The following ENTPD2 variants were observed in gnomAD, a reference collection of about 807,000 sequenced individuals.
The protein encoded by ENTPD2 is CD39 antigen-like 1.
ENTPD2 carries 48 observed loss-of-function variants against 46.8 expected under a neutral mutation model. The observed-to-expected ratio is 1.03, with a 90% CI of 0.81 to 1.30. ENTPD2 has a LOEUF of 1.30. Among genes scored for constraint, ENTPD2 ranks in the 50% most tolerant of loss-of-function variants. The pLI is 0.00. For missense variants in ENTPD2, 707 were observed against 651.1 expected (o/e 1.09, Z -0.93); for synonymous variants, 316 against 286.1 (o/e 1.10, Z -1.06).
rs200372025 is a variant in ENTPD2 at position 137,048,682 on chromosome 9, G to T, written c.1463C>A (p.Ser488Tyr). 5.0e-6 allele frequency: 8 copies of T among 1,601,592 alleles called. No homozygotes were observed. The highest frequency in any genetic ancestry group is 6.8e-6 in the Non-Finnish European group (8 of 1,175,306). The change falls in exon 9 of 9, where the codon TCC becomes TAC. Residue 488 changes from serine (S) to tyrosine (Y), a missense_variant. Transcript: ENST00000355097. ...CTAAATGGTGCTTGGCAGCTTGGCG[G>T]AGTGCACCTGACGCAGCAGCAGGAC... ...ALVLLLRQVH[S>Y]AKLPSTI
chr9:137,051,866 G>A (rs1832305066), intron 2 of ENTPD2, among the ~76,000 whole-genome samples: 1 of 152,222 alleles, frequency 6.6e-6, no homozygotes, highest in South Asian at 2.1e-4. Context: ...TGCTGAGAGG[G>A]TGTGGGTGCA....
At chr9:137,051,748 C>G in intron 2 of ENTPD2, 88 bp from the exon 3 acceptor site, 1 of 1,462,884 alleles carries the variant, frequency 6.8e-7, no homozygotes, top group Non-Finnish European at 9.0e-7. Flanking sequence ...GGGGTGGGGG[C>G]CGTGGGCTCC....
Position 137,049,349 on chromosome 9 carries a change from CA to C in ENTPD2, c.1150-275del, listed in dbSNP as rs1832212994. ...ATGGCCACCAGGGAGCAGGAGGCAG[CA>C]ACACCTTGGTGTGTGGCCAGGGGAA... On this transcript the variant is annotated intron_variant, in intron 7 of 8. Transcript: ENST00000355097. The C allele has an allele frequency of 3.4e-5, 23 of 676,094 alleles. No homozygotes were observed. The East Asian group carries it at 6.5e-4, about 19-fold the overall frequency. 41.9% of individuals were successfully genotyped at this position (676,094 alleles called of 1,614,324 possible).
chr9:137,050,621 T>G, intron 5 of ENTPD2, 83 bp from the exon 6 acceptor site: 1 of 1,528,440 alleles, frequency 6.5e-7, no homozygotes, highest in Admixed American at 2.0e-5. Context: ...GGTCTCACTC[T>G]GGCAACTTCA....
At chr9:137,053,764 G>A (rs1832347347) in intron 1 of ENTPD2, 117 bp downstream of exon 1, 1 of 650,692 alleles carries the variant, frequency 1.5e-6, no homozygotes, top group Non-Finnish European at 2.2e-6. Flanking sequence ...CCCGCCAGGA[G>A]CAGAGCACGG....
At chr9:137,049,811 T>C (rs545856950) in intron 7 of ENTPD2, 59 bp downstream of exon 7, 3 of 1,550,856 alleles carry the variant, frequency 1.9e-6, no homozygotes, top group Admixed American at 1.9e-5. Context: ...TGGGGAGGCA[T>C]GCGGAGGCGG....
chr9:137,052,143 C>T (rs1832310528), intron 2 of ENTPD2, 88 bp downstream of exon 2: 6 of 1,204,806 alleles, frequency 5.0e-6, no homozygotes, highest in South Asian at 2.7e-5. Flanking sequence ...CAACACTAAG[C>T]AGAAGGACCT....
Position 137,052,273 on chromosome 9 carries a change from C to A in ENTPD2, c.193G>T (p.Asp65Tyr), listed in dbSNP as rs144578226. 6.2e-7 allele frequency: 1 copy of A among 1,610,636 alleles called. No homozygotes were observed. Among genetic ancestry groups the A allele is most frequent in the Non-Finnish European group, 8.5e-7 (1 of 1,178,668 alleles). ...CTGTGCTGGCCCACAATGCCTGTGT[C>A]GTTCTCCTTGTCTGCCGGCCACTTG... ...IYKWPADKEN[D>Y]TGIVGQHSSC... Residue 65 changes from aspartate (D) to tyrosine (Y), a missense_variant, in exon 2 of 9, where the codon GAC (aspartate) becomes TAC (tyrosine). Asp to Tyr is a radical substitution (Grantham distance 160). Coordinates refer to ENST00000355097, the MANE Select transcript of ENTPD2 (RefSeq NM_203468.3).
chr9:137,049,305 G>A (rs955825171), intron 7 of ENTPD2: 1 of 759,222 alleles, frequency 1.3e-6, no homozygotes, highest in Admixed American at 2.0e-5. Context: ...TGGAAGGCCA[G>A]TGAGGAGGGA....
In ENTPD2 at chr9:137,052,365, G is replaced by A. The variant is rs544337236; in HGVS notation, c.118-17C>T. The A allele has an allele frequency of 1.5e-4, 217 of 1,460,946 alleles. 12 individuals are homozygous for A. In the South Asian group the frequency reaches 2.4e-3, roughly 16 times the overall value. 90.5% of individuals were successfully genotyped at this position (1,460,946 alleles called of 1,614,324 possible). A position where few individuals can be genotyped will look rare whatever the true frequency, so the allele number is the denominator to read the frequency against. ...GATGCCATACTGCGGGGGAGGGGGA[G>A]GGAGTCAGCCTGGGGTGTCCGGGGG... On this transcript the variant is annotated splice_polypyrimidine_tract_variant and intron_variant, in intron 1 of 8. Coordinates refer to ENST00000355097, the MANE Select transcript of ENTPD2 (RefSeq NM_203468.3).
At chr9:137,050,777 C>T in intron 5 of ENTPD2, 125 bp downstream of exon 5, 2 of 1,336,656 alleles carry the variant, frequency 1.5e-6, no homozygotes, top group Non-Finnish European at 2.0e-6. Flanking sequence ...ATGCTCTGAC[C>T]CTCCCACCTG....
rs907248514 is a variant in ENTPD2 at position 137,049,028 on chromosome 9, G to T, written c.1197C>A (p.Cys399Ter). 26 of 1,536,292 alleles carry T rather than the reference G, an allele frequency of 1.7e-5. No homozygotes were observed. The highest frequency in any genetic ancestry group is 3.9e-5 in the Admixed American group (2 of 50,698). The part of the protein sequence containing the change: ...PGQRARLADY[C>*]AGAMFVQQLL... Reference sequence around the variant, plus strand: ...GCTGCTGCACGAACATGGCCCCGGCGCAGTAGTCGGCCAGGCGGGCCCGTT... The same window carrying T: ...GCTGCTGCACGAACATGGCCCCGGCTCAGTAGTCGGCCAGGCGGGCCCGTT... The change falls in exon 8 of 9, where the codon TGC becomes TGA. Residue 399 changes from cysteine to a stop codon, truncating the protein, a stop_gained. Transcript: ENST00000355097. LOFTEE classifies it high-confidence loss of function.
In ENTPD2 at chr9:137,050,448, G is replaced by A. The variant is rs142156660; in HGVS notation, c.865C>T (p.Arg289Trp). Residue 289 changes from arginine (R) to tryptophan (W), a missense_variant, in exon 6 of 9, where the codon CGG becomes TGG. Physicochemically the swap from Arg to Trp is moderately radical, Grantham distance 101. Transcript: ENST00000355097. ...GCACTGCTGTTGAAGTTCTGGGGCC[G>A]CTGGGCCATGGTGCATGGTGACTGG... ...VYQSPCTMAQ[R>W]PQNFNSSARV... 1.0e-4 allele frequency: 165 copies of A among 1,612,774 alleles called. No individual in the cohort carries two copies. Among genetic ancestry groups the A allele is most frequent in the Non-Finnish European group, 1.3e-4 (153 of 1,180,006 alleles).
intron 1 of ENTPD2, 191 bp from the exon 2 acceptor site, chr9:137,052,539 G>A (rs1023744373): frequency 3.8e-6 from 2 of 523,862 alleles, no homozygotes; most frequent in Admixed American, 6.3e-5. Context: ...GAACAGGGAG[G>A]TGGTGGGGAG....
At position 137,053,979 on chromosome 9, in the gene ENTPD2, A is replaced by AC; in HGVS notation, c.18dup (p.Ser7ValfsTer70). The stretch of plus-strand genomic sequence containing the variant: ...GCCAGCAGCAGCGGCGGCAGCAGTG[A>AC]CCGCACCTTCCCGGCCATGGGCGGG... On this transcript the variant is annotated frameshift_variant, in exon 1 of 9. Coordinates refer to ENST00000355097, the MANE Select transcript of ENTPD2 (RefSeq NM_203468.3). LOFTEE classifies it high-confidence loss of function. 8.2e-7 allele frequency: 1 copy of AC among 1,219,064 alleles called. No homozygotes were observed. The highest frequency in any genetic ancestry group is 1.0e-6 in the Non-Finnish European group (1 of 980,150). 75.5% of individuals were successfully genotyped at this position (1,219,064 alleles called of 1,614,324 possible).
chr9:137,054,031 A>C lies in ENTPD2; in HGVS notation c.-34T>G, dbSNP rs1331216196. 2.6e-6 allele frequency: 3 copies of C among 1,174,412 alleles called. No individual in the cohort carries two copies. The highest frequency in any genetic ancestry group is 3.2e-6 in the Non-Finnish European group (3 of 946,118). 72.7% of individuals were successfully genotyped at this position (1,174,412 alleles called of 1,614,324 possible). A position where few individuals can be genotyped will look rare whatever the true frequency, so the allele number is the denominator to read the frequency against. On this transcript the variant is annotated 5_prime_UTR_variant, in exon 1 of 9. Transcript: ENST00000355097. Reference sequence around the variant, plus strand: ...GGGCGCGCGGGAGGACGATGCGTGGACCCGGAGAGTGCGGGGAGCCGGAGG... The same window carrying C: ...GGGCGCGCGGGAGGACGATGCGTGGCCCCGGAGAGTGCGGGGAGCCGGAGG...
In ENTPD2 at chr9:137,050,515, C is replaced by T. The variant is rs752765897; in HGVS notation, c.798G>A (p.Trp266Ter). ...GCACTTGGGTGGAAAAGCCCCTCGGCCAGCAGGGGTGGAAGCCGTGGGTCT... is the reference window on the plus strand; with the variant it reads ...GCACTTGGGTGGAAAAGCCCCTCGGTCAGCAGGGGTGGAAGCCGTGGGTCT... ...ALQTHGFHPC[W>*]PRGFSTQVLL... Residue 266 changes from tryptophan (W) to a stop codon, truncating the protein, a stop_gained, in exon 6 of 9, where the codon TGG (tryptophan) becomes TGA (stop). Coordinates refer to ENST00000355097, the MANE Select transcript of ENTPD2 (RefSeq NM_203468.3). LOFTEE classifies it high-confidence loss of function. The T allele has an allele frequency of 1.2e-6, 2 of 1,612,500 alleles. No homozygotes were observed. Among genetic ancestry groups the T allele is most frequent in the East Asian group, 4.5e-5 (2 of 44,884 alleles).
intron 1 of ENTPD2, 77 bp from the exon 2 acceptor site, chr9:137,052,425 T>C: frequency 8.1e-7 from 1 of 1,237,982 alleles, no homozygotes. Flanking sequence ...GAAGTTGGGT[T>C]CCTCCAGTTT....
chr9:137,050,553 A>G lies in ENTPD2; in HGVS notation c.775-15T>C, dbSNP rs750985089. On this transcript the variant is annotated splice_polypyrimidine_tract_variant and intron_variant, in intron 5 of 8. Transcript: ENST00000355097. Reference sequence around the variant, plus strand: ...AAGCCGTGGGTCTGGGGGAATCACCAGCGTGACAGGGTGGCACCACCACCG... The same window carrying G: ...AAGCCGTGGGTCTGGGGGAATCACCGGCGTGACAGGGTGGCACCACCACCG... 9 of 1,608,798 alleles carry G rather than the reference A, an allele frequency of 5.6e-6. No individual in the cohort carries two copies. Among genetic ancestry groups the G allele is most frequent in the Non-Finnish European group, 7.6e-6 (9 of 1,177,268 alleles).
Sources: gnomAD v4.1 joint callset for allele counts (sites outside exome capture counted in the v4.1 genomes callset) on GRCh38, gnomAD v4.1.1 for gene constraint, MANE v1.5 for transcripts, NCBI Gene and HGNC (gene_info 2026-07-23, HGNC 2026-07-21) for gene names.